The following THNSL1 variants were observed in gnomAD, a reference collection of about 807,000 sequenced individuals.
THNSL1 encodes threonine synthase-like 1.
In THNSL1, 48 loss-of-function variants were observed where a neutral mutation model predicts 50.4. The observed-to-expected ratio is 0.95, with a 90% confidence interval of 0.76 to 1.21. The LOEUF (loss-of-function observed/expected upper bound fraction) is 1.21. THNSL1 is among the 50% of genes most tolerant of loss of function. The probability of loss-of-function intolerance (pLI) is 0.00; values close to 1 mark genes in which losing one functional copy is unlikely to be tolerated. For synonymous variants in THNSL1, 309 were observed against 306.1 expected, an observed-to-expected ratio of 1.01 and a Z score of -0.10; for missense variants, 896 against 871.7, an observed-to-expected ratio of 1.03 and a Z score of -0.35.
chr10:24,956,184 G>T, the THNSL1 span, among the ~76,000 whole-genome samples: 10 of 151,624 alleles, frequency 6.6e-5, no homozygotes, highest in African/African-American at 2.4e-4. Flanking sequence ...ACGCAGGTTT[G>T]TTTGGGAAAA....
the THNSL1 span, among the ~76,000 whole-genome samples, chr10:25,010,104 A>G: frequency 6.6e-6 from 1 of 152,308 alleles, no homozygotes; most frequent in African/African-American, 2.4e-5. Context: ...AAGATGTGGG[A>G]AAGTTTGGAG....
chr10:24,954,515 G>A, the THNSL1 span, among the ~76,000 whole-genome samples: 5 of 152,070 alleles, frequency 3.3e-5, no homozygotes, highest in African/African-American at 7.2e-5. Context: ...TAGACACTGC[G>A]GAAGATGTAA....
rs41279888 is a variant in THNSL1, at chr10:25,016,613, T to A, written c.-295T>A. ...GCGCGAGGCCGCTCGGGGAAGGGCG[T>A]GGAGCGGAGGCACGCTGGCCGCCGC... On this transcript the variant is annotated 5_prime_UTR_variant, in exon 1 of 3. Coordinates refer to ENST00000376356, the MANE Select transcript of THNSL1 (RefSeq NM_024838.5). 0.037 allele frequency: 5,603 copies of A among 152,382 alleles called. 142 individuals carry two copies. The highest frequency in any genetic ancestry group is 0.058 in the Non-Finnish European group (3,948 of 68,196). The allele number at this position is 152,382 out of a possible 1,614,324, so 9.4% of individuals were successfully genotyped here.
At chr10:24,995,154 A>C in the THNSL1 span, among the ~76,000 whole-genome samples, 1 of 150,530 alleles carries the variant, frequency 6.6e-6, no homozygotes, top group Non-Finnish European at 1.5e-5. Context: ...AAACCAAATA[A>C]ATATATTCAT....
upstream of THNSL1, among the ~76,000 whole-genome samples, chr10:25,015,606 G>A (rs942376734): frequency 6.6e-6 from 1 of 152,004 alleles, no homozygotes; most frequent in African/African-American, 2.4e-5. Flanking sequence ...ATCACATACC[G>A]TATTAATAAG....
chr10:24,972,333 C>T, the THNSL1 span, among the ~76,000 whole-genome samples: 1 of 151,446 alleles, frequency 6.6e-6, no homozygotes, highest in South Asian at 2.1e-4. Flanking sequence ...CATGGTGAAA[C>T]ACCATCTCTA....
chr10:24,958,021 A>G, the THNSL1 span, among the ~76,000 whole-genome samples: 64,907 of 151,936 alleles, frequency 0.43, 14,188 homozygotes, highest in African/African-American at 0.53. Flanking sequence ...ACTTTTGTCA[A>G]TACAAATCTG....
chr10:24,956,461 A>ATTTTTTTTTTT, the THNSL1 span, among the ~76,000 whole-genome samples: 1 of 105,210 alleles, frequency 9.5e-6, no homozygotes, highest in Non-Finnish European at 1.9e-5. Flanking sequence ...TCTGCATTTT[A>ATTTTTTTTTTT]TTTATTTTTT....
At chr10:24,969,143 C>T in the THNSL1 span, among the ~76,000 whole-genome samples, 2 of 152,302 alleles carry the variant, frequency 1.3e-5, no homozygotes, top group Admixed American at 6.5e-5. Flanking sequence ...ATCCACCCGC[C>T]GCGGCCTGTC....
At chr10:24,984,423 T>G in the THNSL1 span, 1 of 1,571,780 alleles carries the variant, frequency 6.4e-7, no homozygotes, top group Non-Finnish European at 8.6e-7. Flanking sequence ...GCTGACTTTA[T>G]TTTTCAGGAC....
chr10:25,009,283 C>T, the THNSL1 span, among the ~76,000 whole-genome samples: 1 of 151,898 alleles, frequency 6.6e-6, no homozygotes, highest in Non-Finnish European at 1.5e-5. Flanking sequence ...TGCAGAAATT[C>T]TACACTGGTG....
chr10:24,986,712 G>A, the THNSL1 span, among the ~76,000 whole-genome samples: 1 of 152,160 alleles, frequency 6.6e-6, no homozygotes, highest in African/African-American at 2.4e-5. Flanking sequence ...CTTCCAGTGT[G>A]TACAATAACG....
the THNSL1 span, among the ~76,000 whole-genome samples, chr10:25,004,870 CT>C: frequency 3.9e-5 from 6 of 152,194 alleles, no homozygotes; most frequent in Non-Finnish European, 7.3e-5. Flanking sequence ...CCTAGGTTGT[CT>C]TCCAGGATTT....
At chr10:24,987,454 T>A in the THNSL1 span, among the ~76,000 whole-genome samples, 1 of 151,124 alleles carries the variant, frequency 6.6e-6, no homozygotes, top group Non-Finnish European at 1.5e-5. Context: ...CTGGGCAACA[T>A]AGTCAGACTC....
chr10:24,978,434 CCTCT>C, the THNSL1 span, among the ~76,000 whole-genome samples: 445 of 147,686 alleles, frequency 3.0e-3, 1 homozygote, highest in African/African-American at 0.011. Flanking sequence ...TCTCTCCTGT[CCTCT>C]CTCTCTCTCT....
At chr10:24,984,571 A>C in the THNSL1 span, 2 of 1,015,758 alleles carry the variant, frequency 2.0e-6, no homozygotes, top group African/African-American at 3.3e-5. Context: ...TTCTTGTGTA[A>C]GTGAATAACT....
chr10:24,967,132 C>T, the THNSL1 span, among the ~76,000 whole-genome samples: 2 of 152,030 alleles, frequency 1.3e-5, no homozygotes, highest in African/African-American at 4.8e-5. Context: ...CTGGGCTCCA[C>T]GAATTCAGAG....
chr10:24,962,948 A>G, the THNSL1 span, among the ~76,000 whole-genome samples: 1 of 152,196 alleles, frequency 6.6e-6, no homozygotes, highest in African/African-American at 2.4e-5. Flanking sequence ...CACACTTTAA[A>G]TTAAGGCAAT....
At chr10:24,973,660 G>GCTGT in the THNSL1 span, among the ~76,000 whole-genome samples, 1 of 152,014 alleles carries the variant, frequency 6.6e-6, no homozygotes, top group Admixed American at 6.6e-5. Flanking sequence ...GTTGAAAAGG[G>GCTGT]CTGTTTCAGC....
Sources: allele counts gnomAD v4.1 joint callset (sites outside exome capture counted in the v4.1 genomes callset), GRCh38; gene constraint gnomAD v4.1.1; transcripts MANE v1.5; gene names NCBI Gene and HGNC (gene_info 2026-07-23, HGNC 2026-07-21).